The following SLC7A7 variants were observed in gnomAD, a reference collection of about 807,000 sequenced individuals.
The protein encoded by SLC7A7 is Y+L amino acid transporter 1.
SLC7A7 carries 39 observed loss-of-function variants against 47.9 expected under a neutral mutation model. The observed-to-expected ratio is 0.81, with a 90% confidence interval of 0.63 to 1.06. The LOEUF is 1.06. Ranked by LOEUF, SLC7A7 falls within the 50% of genes least tolerant of loss-of-function variation. The probability of loss-of-function intolerance (pLI) is 0.00; values close to 1 mark genes in which losing one functional copy is unlikely to be tolerated. For missense variants in SLC7A7, 588 were observed against 632.0 expected (o/e 0.93, Z 0.75); for synonymous variants, 234 against 242.8 (o/e 0.96, Z 0.34).
intron 2 of SLC7A7, among the ~76,000 whole-genome samples, chr14:22,795,655 T>C (rs897500912): frequency 1.3e-5 from 2 of 151,836 alleles, no homozygotes; most frequent in Non-Finnish European, 2.9e-5. Context: ...TTTGTATTTT[T>C]AGTAGAGACG....
intron 3 of SLC7A7, 78 bp downstream of exon 3, chr14:22,779,848 G>T (rs1387858921): frequency 3.9e-5 from 50 of 1,293,060 alleles, no homozygotes; most frequent in Non-Finnish European, 5.4e-5. Flanking sequence ...ATGAGATAAT[G>T]CACAAAGAGC....
chr14:22,779,962 C>T lies in SLC7A7; in HGVS notation c.589G>A (p.Ala197Thr), dbSNP rs1005993109. ...FTYAKVLALI[A>T]VIVAGIVRLG... The stretch of plus-strand genomic sequence containing the variant: ...CTAACAATGCCTGCAACGATGACCG[C>T]GATCAGTGCCAATACTTTAGCATAG... The change falls in exon 3 of 10, where the codon GCG becomes ACG. Residue 197 changes from alanine to threonine, a missense_variant. Coordinates refer to ENST00000674313, the MANE Select transcript of SLC7A7 (RefSeq NM_003982.4). 33 of 1,613,998 alleles carry T rather than the reference C, an allele frequency of 2.0e-5. No homozygotes were observed. Among genetic ancestry groups the T allele is most frequent in the Non-Finnish European group, 2.5e-5 (30 of 1,180,016 alleles).
chr14:22,785,236 C>T (rs1253112034), intron 2 of SLC7A7, among the ~76,000 whole-genome samples: 1 of 152,092 alleles, frequency 6.6e-6, no homozygotes, highest in Non-Finnish European at 1.5e-5. Flanking sequence ...CAAGATCACG[C>T]CACTGCACTC....
chr14:22,779,971 C>T lies in SLC7A7; in HGVS notation c.580G>A (p.Ala194Thr), dbSNP rs1384497763. 6 of 1,614,026 alleles carry T rather than the reference C, an allele frequency of 3.7e-6. No individual in the cohort carries two copies. In the African/African-American group the frequency reaches 6.7e-5, roughly 18 times the overall value. Reference protein sequence around the residue: ...QDIFTYAKVLALIAVIVAGIV... With the variant: ...QDIFTYAKVLTLIAVIVAGIV... ...CCTGCAACGATGACCGCGATCAGTG[C>T]CAATACTTTAGCATAGGTGAAAATA... The change falls in exon 3 of 10, where the codon GCA becomes ACA. Residue 194 changes from alanine (A) to threonine (T), a missense_variant. Physicochemically the swap from Ala to Thr is moderately conservative, Grantham distance 58. Transcript: ENST00000674313.
intron 2 of SLC7A7, among the ~76,000 whole-genome samples, chr14:22,799,430 CTTTTTA>C (rs2039071848): frequency 1.8e-5 from 2 of 112,602 alleles, no homozygotes; most frequent in South Asian, 6.1e-4. Context: ...GTTTCTTTTT[CTTTTTA>C]TTTTTTTCTT....
At position 22,775,826 on chromosome 14, in the gene SLC7A7, C is replaced by T; in HGVS notation, c.998+7G>A. 1 of 1,610,630 alleles carries T rather than the reference C, an allele frequency of 6.2e-7. No homozygotes were observed. Among genetic ancestry groups the T allele is most frequent in the South Asian group, 1.1e-5 (1 of 91,026 alleles). ...GATACACCCCTCACAAAAGTTGCCA[C>T]TCTTACCTAGAAGCAGCCACAATGG... is the stretch of plus-strand genomic sequence containing the variant. On this transcript the variant is annotated splice_region_variant and intron_variant, in intron 6 of 9. Transcript: ENST00000674313.
intron 2 of SLC7A7, among the ~76,000 whole-genome samples, chr14:22,807,990 C>T (rs1408542512): frequency 3.3e-5 from 5 of 151,964 alleles, no homozygotes; most frequent in East Asian, 1.9e-4. Flanking sequence ...GGTGAAACCC[C>T]GTCTCTACTA....
chr14:22,799,429 T>C (rs2039071456), intron 2 of SLC7A7, among the ~76,000 whole-genome samples: 1 of 150,152 alleles, frequency 6.7e-6, no homozygotes, highest in Non-Finnish European at 1.5e-5. Context: ...GGTTTCTTTT[T>C]CTTTTTATTT....
chr14:22,786,275 G>A (rs1048424344), intron 2 of SLC7A7, among the ~76,000 whole-genome samples: 2 of 151,594 alleles, frequency 1.3e-5, no homozygotes, highest in East Asian at 1.9e-4. Flanking sequence ...CCGAGATCAC[G>A]GCACTGCACT....
rs543316493 is a variant in SLC7A7 at position 22,773,433 on chromosome 14, T to C, written c.*177A>G. 5 of 698,632 alleles carry C rather than the reference T, an allele frequency of 7.2e-6. No homozygotes were observed. The highest frequency in any genetic ancestry group is 2.8e-5 in the East Asian group (1 of 36,232). The allele number at this position is 698,632 out of a possible 1,614,324, so 43.3% of individuals were successfully genotyped here. A position where few individuals can be genotyped will look rare whatever the true frequency, so the allele number is the denominator to read the frequency against. ...TCCCCTTTAAAAGTCTGGAACAGTA[T>C]GTAGCAAAACAAATAAATTACTTTT... On this transcript the variant is annotated 3_prime_UTR_variant, in exon 10 of 10. Coordinates refer to ENST00000674313, the MANE Select transcript of SLC7A7 (RefSeq NM_003982.4).
intron 2 of SLC7A7, among the ~76,000 whole-genome samples, chr14:22,804,161 G>A (rs67874243): frequency 0.13 from 19,121 of 152,088 alleles, 1,360 homozygotes; most frequent in South Asian, 0.19. Flanking sequence ...GCAGAAAATT[G>A]AAACTGGAGC....
chr14:22,773,874 G>GA, intron 9 of SLC7A7, 59 bp downstream of exon 9: 7 of 1,608,084 alleles, frequency 4.4e-6, no homozygotes, highest in Middle Eastern at 2.0e-4. Context: ...TGGATTTACA[G>GA]AAAAAGGCAA....
At chr14:22,800,688 ACTTT>A (rs2039097101) in intron 2 of SLC7A7, among the ~76,000 whole-genome samples, 1 of 54,490 alleles carries the variant, frequency 1.8e-5, no homozygotes, top group African/African-American at 4.4e-5. Context: ...TAATCCTAAC[ACTTT>A]GTTTGGGAGG....
At chr14:22,797,919 G>A (rs796370672) in intron 2 of SLC7A7, among the ~76,000 whole-genome samples, 6 of 152,256 alleles carry the variant, frequency 3.9e-5, no homozygotes, top group African/African-American at 1.4e-4. Context: ...TTTGGAAACT[G>A]TCATGATTTG....
intron 7 of SLC7A7, 151 bp from the exon 8 acceptor site, chr14:22,774,654 A>G: frequency 1.0e-6 from 1 of 978,624 alleles, no homozygotes; most frequent in African/African-American, 1.6e-5. Flanking sequence ...CCCTAGTTTC[A>G]GTACCTTATC....
intron 2 of SLC7A7, among the ~76,000 whole-genome samples, chr14:22,795,722 C>T (rs948155323): frequency 6.6e-6 from 1 of 151,920 alleles, no homozygotes; most frequent in Non-Finnish European, 1.5e-5. Flanking sequence ...ATCTGCCCGC[C>T]TCGGCCTCCC....
chr14:22,800,120 C>T (rs1260928618), intron 2 of SLC7A7, among the ~76,000 whole-genome samples: 1 of 152,210 alleles, frequency 6.6e-6, no homozygotes, highest in Admixed American at 6.5e-5. Flanking sequence ...ATCATAGCAG[C>T]AGCTTCCCAC....
chr14:22,817,317 T>C, upstream of SLC7A7: 1 of 226,874 alleles, frequency 4.4e-6, no homozygotes, highest in Non-Finnish European at 8.5e-6. Flanking sequence ...TTTATTTCGG[T>C]ATTTTTATTT....
At chr14:22,779,039 G>T in intron 3 of SLC7A7, 102 bp from the exon 4 acceptor site, 4 of 1,464,110 alleles carry the variant, frequency 2.7e-6, no homozygotes, top group Non-Finnish European at 2.8e-6. Context: ...ATAATAGCAG[G>T]TAAGTGGCCT....
Sources: gnomAD v4.1 joint callset for allele counts (sites outside exome capture counted in the v4.1 genomes callset) on GRCh38, gnomAD v4.1.1 for gene constraint, MANE v1.5 for transcripts, NCBI Gene and HGNC (gene_info 2026-07-23, HGNC 2026-07-21) for gene names.